PIGU: variants seen among roughly 807,000 people sequenced by gnomAD.
PIGU encodes the protein phosphatidylinositol glycan anchor biosynthesis class U, also known as GPI-anchor transamidase component PIGU.
In PIGU, 24 loss-of-function variants were observed where a neutral mutation model predicts 49.9. The observed-to-expected ratio is 0.48, with a 90% CI of 0.35 to 0.68. The LOEUF is 0.68. Ranked by LOEUF, PIGU falls within the 30% of genes least tolerant of loss-of-function variation. The pLI, the probability that PIGU is intolerant of heterozygous loss-of-function variation, is 0.01. For missense variants in PIGU, 490 were observed against 532.6 expected, an observed-to-expected ratio of 0.92 and a Z score of 0.79; for synonymous variants, 220 against 205.7, an observed-to-expected ratio of 1.07 and a Z score of -0.59.
At chr20:34,657,467 A>G (rs947460199) in intron 1 of PIGU, among the ~76,000 whole-genome samples, 1 of 152,210 alleles carries the variant, frequency 6.6e-6, no homozygotes, top group African/African-American at 2.4e-5. Flanking sequence ...AGACAGTTTT[A>G]TGTTAAACTA....
intron 11 of PIGU, among the ~76,000 whole-genome samples, chr20:34,570,124 G>C (rs1419154824): frequency 1.3e-5 from 2 of 152,182 alleles, no homozygotes; most frequent in African/African-American, 4.8e-5. Flanking sequence ...AGTGTGGTGA[G>C]TTCACATATG....
chr20:34,640,499 G>GCGCACA (rs1491208512), intron 4 of PIGU, among the ~76,000 whole-genome samples: 1 of 16,468 alleles, frequency 6.1e-5, no homozygotes, highest in Non-Finnish European at 2.3e-4. Context: ...GTGCGCACGC[G>GCGCACA]CACACACACA....
intron 11 of PIGU, among the ~76,000 whole-genome samples, chr20:34,565,136 G>A (rs1218769616): frequency 6.6e-6 from 1 of 152,222 alleles, no homozygotes; most frequent in Non-Finnish European, 1.5e-5. Context: ...AAGGGGCTGT[G>A]GAATTTGCAT....
chr20:34,651,832 G>A (rs557176580), intron 2 of PIGU, among the ~76,000 whole-genome samples: 105 of 152,062 alleles, frequency 6.9e-4, no homozygotes, highest in African/African-American at 2.3e-3. Flanking sequence ...AGACAGCTCC[G>A]GTGGCTCACA....
At chr20:34,642,046 A>C (rs1453111900) in intron 4 of PIGU, among the ~76,000 whole-genome samples, 1 of 152,184 alleles carries the variant, frequency 6.6e-6, no homozygotes, top group Admixed American at 6.5e-5. Context: ...GCAAAGAAAA[A>C]AACCCAAAAA....
chr20:34,647,253 G>A (rs1194790294), intron 2 of PIGU, among the ~76,000 whole-genome samples: 3 of 151,280 alleles, frequency 2.0e-5, no homozygotes, highest in Non-Finnish European at 4.4e-5. Context: ...TTACAAGTGT[G>A]AGCCACCGTG....
intron 1 of PIGU, among the ~76,000 whole-genome samples, chr20:34,666,750 G>A (rs1290883399): frequency 7.1e-6 from 1 of 140,922 alleles, no homozygotes; most frequent in Non-Finnish European, 1.5e-5. Context: ...AGGCTGGAGT[G>A]CAGTGGCGCG....
rs561139348 is a variant in PIGU, at chr20:34,646,425, T to C, written c.196-1091A>G. 1.1e-4 allele frequency among the ~76,000 whole-genome samples: 17 copies of C among 152,364 alleles called. No homozygotes were observed. In the South Asian group the frequency reaches 3.5e-3, roughly 32 times the overall value. On this transcript the variant is annotated intron_variant, in intron 2 of 11. Coordinates refer to ENST00000217446, the MANE Select transcript of PIGU (RefSeq NM_080476.5). ...ACGAGTTTTGATACGTTGGATTTTT[T>C]TGAGATGGAGTCTCGCTCTGTCACC... is the stretch of plus-strand genomic sequence containing the variant.
intron 7 of PIGU, among the ~76,000 whole-genome samples, chr20:34,610,508 G>A (rs1235922655): frequency 6.6e-6 from 1 of 152,154 alleles, no homozygotes; most frequent in African/African-American, 2.4e-5. Flanking sequence ...GGGATGTGAA[G>A]GACCTCTTCA....
intron 1 of PIGU, among the ~76,000 whole-genome samples, chr20:34,668,228 C>T (rs145951015): frequency 0.011 from 1,625 of 151,666 alleles, 39 homozygotes; most frequent in African/African-American, 0.037. Flanking sequence ...TTTGGGAGGT[C>T]GAGGCAGGTG....
In PIGU at chr20:34,657,211, A is replaced by G; in HGVS notation, c.164T>C (p.Val55Ala). The G allele has an allele frequency of 6.2e-7, 1 of 1,612,970 alleles. No individual in the cohort carries two copies. The highest frequency in any genetic ancestry group is 1.1e-5 in the South Asian group (1 of 91,030). ...VEGLSLLDLG[V>A]SPYSGAVFHE... is the part of the protein sequence containing the mutation. ...AAATACTGCTCCAGAATACGGAGAT[A>G]CTCCCAAGTCCAACAGTGAAAGGCC... Residue 55 changes from valine (V) to alanine (A), a missense_variant, in exon 2 of 12, where the codon GTA becomes GCA. Physicochemically the swap from Val to Ala is moderately conservative, Grantham distance 64. Transcript: ENST00000217446.
At chr20:34,583,950 TC>T (rs1463724121) in intron 9 of PIGU, among the ~76,000 whole-genome samples, 3 of 152,218 alleles carry the variant, frequency 2.0e-5, no homozygotes, top group Non-Finnish European at 4.4e-5. Flanking sequence ...TCTTTCAGGT[TC>T]CCCAGACCAT....
At chr20:34,563,761 A>T (rs771573852) in intron 11 of PIGU, among the ~76,000 whole-genome samples, 8 of 151,960 alleles carry the variant, frequency 5.3e-5, no homozygotes, top group Non-Finnish European at 1.2e-4. Flanking sequence ...TTGGTTACTC[A>T]CTTCCTCCTG....
chr20:34,576,620 T>C lies in PIGU; in HGVS notation c.1052-1374A>G, dbSNP rs78087070. ...CTGCCTCCCTCTTCCATCTTTTTTT[T>C]AAAATAGACTATTTATTTTGAGATG... On this transcript the variant is annotated intron_variant, in intron 10 of 11. Coordinates refer to ENST00000217446, the MANE Select transcript of PIGU (RefSeq NM_080476.5). 3.2e-3 allele frequency among the ~76,000 whole-genome samples: 481 copies of C among 152,290 alleles called. 2 individuals are homozygous for C. Among genetic ancestry groups the C allele is most frequent in the African/African-American group, 0.011 (457 of 41,558 alleles).
At chr20:34,647,140 T>A (rs1227226339) in intron 2 of PIGU, among the ~76,000 whole-genome samples, 1 of 151,788 alleles carries the variant, frequency 6.6e-6, no homozygotes, top group Non-Finnish European at 1.5e-5. Context: ...CTGGGCTAAT[T>A]TTGTATTTTT....
At chr20:34,650,700 C>CTCTTTTTTTT (rs1986509194) in intron 2 of PIGU, among the ~76,000 whole-genome samples, 8 of 38,780 alleles carry the variant, frequency 2.1e-4, no homozygotes, top group African/African-American at 7.0e-4. Flanking sequence ...CTTTTTTTCT[C>CTCTTTTTTTT]TTTTTTTTTT....
intron 7 of PIGU, among the ~76,000 whole-genome samples, chr20:34,605,027 T>TC (rs1036165106): frequency 1.2e-4 from 18 of 152,094 alleles, no homozygotes; most frequent in African/African-American, 3.6e-4. Flanking sequence ...TCGCCTGGTC[T>TC]CCCTCGAAGC....
chr20:34,644,538 T>G (rs1482467796), intron 3 of PIGU, among the ~76,000 whole-genome samples: 1 of 152,220 alleles, frequency 6.6e-6, no homozygotes, highest in Admixed American at 6.5e-5. Flanking sequence ...GCATGCCTGA[T>G]GTATGTCAAG....
intron 2 of PIGU, among the ~76,000 whole-genome samples, chr20:34,651,656 A>C (rs2146778346): frequency 6.6e-6 from 1 of 152,280 alleles, no homozygotes; most frequent in East Asian, 1.9e-4. Context: ...GGTTTTAGCG[A>C]GCCCATGCTG....
Sources: allele counts gnomAD v4.1 joint callset (sites outside exome capture counted in the v4.1 genomes callset), GRCh38; gene constraint gnomAD v4.1.1; transcripts MANE v1.5; gene names NCBI Gene and HGNC (gene_info 2026-07-23, HGNC 2026-07-21).